The following BMPR2 variants were observed in gnomAD, a reference collection of about 807,000 sequenced individuals.
The protein encoded by BMPR2 is bone morphogenetic protein receptor type 2, also known as bone morphogenetic protein receptor type-2.
A neutral mutation model predicts 100.8 loss-of-function variants in BMPR2; 29 were observed. That is an observed-to-expected ratio of 0.29 (90% CI 0.21 to 0.39). The LOEUF is 0.39. BMPR2 is among the 10% of genes least tolerant of loss of function. The pLI, the probability that BMPR2 is intolerant of heterozygous loss-of-function variation, is 1.00. For missense variants in BMPR2, 1,011 were observed against 1,274.5 expected, an observed-to-expected ratio of 0.79 and a Z score of 3.15; for synonymous variants, 382 against 442.3, an observed-to-expected ratio of 0.86 and a Z score of 1.71.
At chr2:202,473,988 C>A (rs887117548) in intron 3 of BMPR2, among the ~76,000 whole-genome samples, 3 of 150,032 alleles carry the variant, frequency 2.0e-5, no homozygotes, top group East Asian at 2.0e-4. Flanking sequence ...CCCTGTAGTC[C>A]CAGCTGTTCG....
At chr2:202,531,325 C>T (rs1688022930) in intron 8 of BMPR2, among the ~76,000 whole-genome samples, 1 of 152,030 alleles carries the variant, frequency 6.6e-6, no homozygotes, top group Non-Finnish European at 1.5e-5. Flanking sequence ...CATATACTGC[C>T]AATTATAGAA....
At chr2:202,485,545 C>CTTTTTCTTTTTTTTTTTT (rs1692756931) in intron 3 of BMPR2, among the ~76,000 whole-genome samples, 2 of 64,010 alleles carry the variant, frequency 3.1e-5, no homozygotes, top group African/African-American at 1.1e-4. Context: ...TTGCCTTTAT[C>CTTTTTCTTTTTTTTTTTT]TTTTTTTTTT....
Position 202,520,339 on chromosome 2 carries a change from G to A in BMPR2, c.967+138G>A, listed in dbSNP as rs560910166. 4.8e-5 allele frequency: 34 copies of A among 711,166 alleles called. No homozygotes were observed. In the African/African-American group the frequency reaches 5.1e-4, roughly 11 times the overall value. The allele number at this position is 711,166 out of a possible 1,614,324, so 44.1% of individuals were successfully genotyped here. A position where few individuals can be genotyped will look rare whatever the true frequency, so the allele number is the denominator to read the frequency against. On this transcript the variant is annotated intron_variant, in intron 7 of 12. Coordinates refer to ENST00000374580, the MANE Select transcript of BMPR2 (RefSeq NM_001204.7). ...ATTAGTCAGTTGTTTGAAAGATTCA[G>A]CATGAAATGCATTTGAAATGTAACA...
intron 7 of BMPR2, among the ~76,000 whole-genome samples, chr2:202,522,463 C>T (rs947770653): frequency 9.9e-5 from 15 of 151,224 alleles, no homozygotes; most frequent in African/African-American, 2.7e-4. Context: ...GCCGAGATCA[C>T]GCCACTGCAC....
chr2:202,461,880 G>A (rs1041639081), intron 1 of BMPR2, among the ~76,000 whole-genome samples: 17 of 151,820 alleles, frequency 1.1e-4, no homozygotes, highest in Admixed American at 5.9e-4. Context: ...GTAAGAAATC[G>A]TAATATACTT....
chr2:202,528,492 C>A (rs1282637674), intron 7 of BMPR2, among the ~76,000 whole-genome samples: 2 of 152,060 alleles, frequency 1.3e-5, no homozygotes, highest in African/African-American at 2.4e-5. Context: ...TGGCCAGAGA[C>A]CCTGTTTTAA....
chr2:202,457,125 T>TCTAC (rs141532724), intron 1 of BMPR2, among the ~76,000 whole-genome samples: 5 of 152,208 alleles, frequency 3.3e-5, no homozygotes, highest in East Asian at 1.9e-4. Flanking sequence ...TTATTATCTA[T>TCTAC]CTACCTACCT....
chr2:202,490,408 T>C (rs1692877234), intron 3 of BMPR2, among the ~76,000 whole-genome samples: 1 of 152,174 alleles, frequency 6.6e-6, no homozygotes, highest in Admixed American at 6.5e-5. Context: ...CAAGTATGTA[T>C]TGGAACCTAT....
chr2:202,392,039 T>A (rs1157402423), intron 1 of BMPR2, among the ~76,000 whole-genome samples: 1 of 151,306 alleles, frequency 6.6e-6, no homozygotes, highest in East Asian at 1.9e-4. Flanking sequence ...AGATTAAAGA[T>A]GTGAACCACC....
chr2:202,408,790 A>C (rs189159306), intron 1 of BMPR2, among the ~76,000 whole-genome samples: 1 of 152,226 alleles, frequency 6.6e-6, no homozygotes, highest in Non-Finnish European at 1.5e-5. Context: ...TTCGCATTCC[A>C]CTTGAACTAT....
chr2:202,528,328 C>T (rs1171354215), intron 7 of BMPR2, among the ~76,000 whole-genome samples: 1 of 152,170 alleles, frequency 6.6e-6, no homozygotes, highest in African/African-American at 2.4e-5. Flanking sequence ...GCTGGGACTA[C>T]AGGCACCCGC....
chr2:202,557,963 G>A (rs1688610653), intron 12 of BMPR2, among the ~76,000 whole-genome samples: 1 of 152,048 alleles, frequency 6.6e-6, no homozygotes, highest in South Asian at 2.1e-4. Context: ...CTGCATTTAG[G>A]TTTTATCAAA....
intron 7 of BMPR2, among the ~76,000 whole-genome samples, chr2:202,524,292 G>T (rs565359974): frequency 6.6e-6 from 1 of 151,764 alleles, no homozygotes; most frequent in African/African-American, 2.4e-5. Flanking sequence ...AACCCGGTAC[G>T]CGGGGCTTGC....
intron 1 of BMPR2, among the ~76,000 whole-genome samples, chr2:202,416,237 A>G (rs1216745653): frequency 1.3e-5 from 2 of 152,004 alleles, no homozygotes; most frequent in Non-Finnish European, 2.9e-5. Context: ...GTGCAGTCTC[A>G]TGAGAAAATT....
At chr2:202,454,024 A>G (rs575409570) in intron 1 of BMPR2, among the ~76,000 whole-genome samples, 1 of 152,262 alleles carries the variant, frequency 6.6e-6, no homozygotes, top group South Asian at 2.1e-4. Flanking sequence ...TAAGACTAGG[A>G]CCACTCCCCA....
chr2:202,449,344 TAAATAATAAAA>T (rs1266736654), intron 1 of BMPR2, among the ~76,000 whole-genome samples: 1 of 139,880 alleles, frequency 7.1e-6, no homozygotes. Context: ...AATAAATAAA[TAAATAATAAAA>T]AAATAACAGA....
At chr2:202,446,964 A>G (rs1691861307) in intron 1 of BMPR2, among the ~76,000 whole-genome samples, 1 of 149,286 alleles carries the variant, frequency 6.7e-6, no homozygotes, top group Admixed American at 6.6e-5. Context: ...ATTTTTAAAA[A>G]TGCAGTTACA....
At chr2:202,508,882 C>A (rs2105998224) in intron 3 of BMPR2, among the ~76,000 whole-genome samples, 1 of 152,118 alleles carries the variant, frequency 6.6e-6, no homozygotes, top group South Asian at 2.1e-4. Flanking sequence ...AGACAAAAGT[C>A]AAAAGAATGT....
intron 10 of BMPR2, among the ~76,000 whole-genome samples, chr2:202,545,672 G>T (rs143326145): frequency 1.3e-5 from 2 of 152,194 alleles, no homozygotes; most frequent in Non-Finnish European, 2.9e-5. Context: ...AATGAGCACT[G>T]TCTTCATTGG....
Sources: gnomAD v4.1 joint callset for allele counts (sites outside exome capture counted in the v4.1 genomes callset) on GRCh38, gnomAD v4.1.1 for gene constraint, MANE v1.5 for transcripts, NCBI Gene and HGNC (gene_info 2026-07-23, HGNC 2026-07-21) for gene names.